Variants in KCND2 observed in about 807,000 individuals in gnomAD.
KCND2 encodes the protein potassium voltage-gated channel subfamily D member 2, also known as A-type voltage-gated potassium channel KCND2.
Under a neutral mutation model 54.4 loss-of-function variants are expected in KCND2, and 16 were observed. The observed-to-expected ratio is 0.29, with a 90% CI of 0.20 to 0.45. KCND2 has a LOEUF of 0.45. Among genes scored for constraint, KCND2 ranks in the 20% least tolerant of loss-of-function variants. The probability of loss-of-function intolerance (pLI) is 1.00; values close to 1 mark genes in which losing one functional copy is unlikely to be tolerated. For synonymous variants in KCND2, 317 were observed against 310.7 expected, an observed-to-expected ratio of 1.02 and a Z score of -0.21; for missense variants, 486 against 824.2, an observed-to-expected ratio of 0.59 and a Z score of 5.02.
intron 4 of KCND2, among the ~76,000 whole-genome samples, chr7:120,744,984 C>T (rs988421561): frequency 3.3e-5 from 5 of 151,990 alleles, no homozygotes; most frequent in South Asian, 2.1e-4. Context: ...CTATAAAATA[C>T]GATATGCGAA....
intron 1 of KCND2, among the ~76,000 whole-genome samples, chr7:120,578,113 A>C (rs2116438070): frequency 6.6e-6 from 1 of 152,018 alleles, no homozygotes; most frequent in East Asian, 2.0e-4. Context: ...AAGAGGAAGA[A>C]GAAAAGAAGG....
chr7:120,477,259 C>T (rs1467402136), intron 1 of KCND2, among the ~76,000 whole-genome samples: 2 of 152,124 alleles, frequency 1.3e-5, no homozygotes, highest in African/African-American at 4.8e-5. Flanking sequence ...GAACACCAAG[C>T]AAACGCTAAT....
At chr7:120,393,965 A>C (rs1183534912) in intron 1 of KCND2, among the ~76,000 whole-genome samples, 1 of 152,046 alleles carries the variant, frequency 6.6e-6, no homozygotes, top group Non-Finnish European at 1.5e-5. Context: ...TATATCAGGC[A>C]GATAACTTAC....
In KCND2 at chr7:120,334,156, G is replaced by A. The variant is rs577524391; in HGVS notation, c.1115+58409G>A. On this transcript the variant is annotated intron_variant, in intron 1 of 5. Transcript: ENST00000331113. ...GAGTGTGCTTAAAAAGGGTAACAGG[G>A]GTCTTGAATCCATGTCAAATGAACA... 2.6e-5 allele frequency among the ~76,000 whole-genome samples: 4 copies of A among 152,184 alleles called. No homozygotes were observed. The East Asian group carries it at 7.7e-4, about 29-fold the overall frequency.
intron 1 of KCND2, among the ~76,000 whole-genome samples, chr7:120,337,713 A>G (rs1156751508): frequency 1.3e-5 from 2 of 152,234 alleles, no homozygotes; most frequent in Non-Finnish European, 2.9e-5. Context: ...AAATAAGCAC[A>G]AGTCTAGAAA....
At chr7:120,347,027 A>T (rs1419537945) in intron 1 of KCND2, among the ~76,000 whole-genome samples, 1 of 152,062 alleles carries the variant, frequency 6.6e-6, no homozygotes, top group African/African-American at 2.4e-5. Context: ...GCTAGCCTTC[A>T]ATGTCTCATG....
chr7:120,327,815 C>T (rs576033070), intron 1 of KCND2, among the ~76,000 whole-genome samples: 1 of 151,900 alleles, frequency 6.6e-6, no homozygotes, highest in South Asian at 2.1e-4. Flanking sequence ...TTCTTGGTCA[C>T]TTAAAAGTTC....
At chr7:120,356,559 C>T (rs1800508917) in intron 1 of KCND2, among the ~76,000 whole-genome samples, 1 of 152,028 alleles carries the variant, frequency 6.6e-6, no homozygotes, top group South Asian at 2.1e-4. Flanking sequence ...CGTGATTAAT[C>T]AGGGTAAAGG....
chr7:120,695,753 G>C (rs1484674739), intron 1 of KCND2, among the ~76,000 whole-genome samples: 1 of 152,088 alleles, frequency 6.6e-6, no homozygotes, highest in Non-Finnish European at 1.5e-5. Flanking sequence ...TGCACTTAAA[G>C]CTATTGATTT....
chr7:120,467,138 C>T (rs1243299808), intron 1 of KCND2, among the ~76,000 whole-genome samples: 1 of 152,158 alleles, frequency 6.6e-6, no homozygotes, highest in African/African-American at 2.4e-5. Context: ...GAACATCTTT[C>T]GGGGAGCCAT....
In KCND2 at chr7:120,682,049, GTTGA is replaced by G. The variant is rs372434609; in HGVS notation, c.1116-50850_1116-50847del. Reference sequence around the variant, plus strand: ...TTAATATGAATTTGCTTTAATTGTAGTTGATTGTCTCTTTTCAAAAACATGCTCT... The same window carrying G: ...TTAATATGAATTTGCTTTAATTGTAGTTGTCTCTTTTCAAAAACATGCTCT... On this transcript the variant is annotated intron_variant, in intron 1 of 5. Coordinates refer to ENST00000331113, the MANE Select transcript of KCND2 (RefSeq NM_012281.3). 1.6e-3 allele frequency among the ~76,000 whole-genome samples: 237 copies of G among 152,098 alleles called. 2 individuals are homozygous for G. Among genetic ancestry groups the G allele is most frequent in the African/African-American group, 5.5e-3 (227 of 41,554 alleles).
intron 1 of KCND2, among the ~76,000 whole-genome samples, chr7:120,353,285 A>G (rs565624251): frequency 1.3e-5 from 2 of 151,910 alleles, no homozygotes; most frequent in South Asian, 2.1e-4. Context: ...CGCCATTTAG[A>G]TTTGCTTCTT....
intron 1 of KCND2, among the ~76,000 whole-genome samples, chr7:120,283,427 G>C (rs1799294426): frequency 6.6e-6 from 1 of 151,928 alleles, no homozygotes; most frequent in African/African-American, 2.4e-5. Context: ...ATTTTTAAAT[G>C]GTCAAATTAA....
intron 1 of KCND2, among the ~76,000 whole-genome samples, chr7:120,370,906 G>A (rs1424277656): frequency 1.3e-5 from 2 of 152,056 alleles, no homozygotes; most frequent in Non-Finnish European, 2.9e-5. Context: ...GAGCTGGTAA[G>A]TGTTGACAGT....
At chr7:120,718,575 G>A (rs1263437014) in intron 1 of KCND2, among the ~76,000 whole-genome samples, 1 of 152,126 alleles carries the variant, frequency 6.6e-6, no homozygotes, top group Non-Finnish European at 1.5e-5. Flanking sequence ...CTGTGACAGA[G>A]GCAGTGCCGT....
chr7:120,581,515 A>T (rs564326464), intron 1 of KCND2, among the ~76,000 whole-genome samples: 2 of 152,342 alleles, frequency 1.3e-5, no homozygotes, highest in Admixed American at 1.3e-4. Flanking sequence ...ATAGTAAAAG[A>T]GGGATAGAAT....
At chr7:120,679,686 GCTT>G (rs1213058908) in intron 1 of KCND2, among the ~76,000 whole-genome samples, 1 of 151,960 alleles carries the variant, frequency 6.6e-6, no homozygotes. Context: ...AGGTTCTGTT[GCTT>G]CAATAAAAAT....
chr7:120,580,966 T>G (rs2116443041), intron 1 of KCND2, among the ~76,000 whole-genome samples: 1 of 152,336 alleles, frequency 6.6e-6, no homozygotes, highest in Non-Finnish European at 1.5e-5. Flanking sequence ...TTTCTACATT[T>G]TATTTCAACT....
chr7:120,748,148 T>A lies in KCND2; in HGVS notation c.*290T>A, dbSNP rs1793028856. ...TCTTATGATCAGAACTCTTTTTTAA[T>A]AAAATAAATAACATAAATCGTTGAA... is the stretch of plus-strand genomic sequence containing the variant. On this transcript the variant is annotated 3_prime_UTR_variant, in exon 6 of 6. Coordinates refer to ENST00000331113, the MANE Select transcript of KCND2 (RefSeq NM_012281.3). The A allele has an allele frequency of 2.3e-5, 5 of 218,464 alleles. No homozygotes were observed. The East Asian group carries it at 3.9e-4, about 17-fold the overall frequency. The allele number at this position is 218,464 out of a possible 1,614,324, so 13.5% of individuals were successfully genotyped here.
Sources: allele counts gnomAD v4.1 joint callset (sites outside exome capture counted in the v4.1 genomes callset), GRCh38; gene constraint gnomAD v4.1.1; transcripts MANE v1.5; gene names NCBI Gene and HGNC (gene_info 2026-07-23, HGNC 2026-07-21).